The following PFKFB3 variants were observed in gnomAD, a reference collection of about 807,000 sequenced individuals.
PFKFB3 encodes the protein 6-phosphofructo-2-kinase/fructose-2,6-bisphosphatase 3.
In PFKFB3, 33 loss-of-function variants were observed where a neutral mutation model predicts 68.0. That is an observed-to-expected ratio of 0.49 (90% CI 0.37 to 0.65). The LOEUF (loss-of-function observed/expected upper bound fraction) is 0.65, where lower values mean the gene tolerates loss of function less well. PFKFB3 is among the 30% of genes least tolerant of loss of function. The pLI is 0.00. For synonymous variants in PFKFB3, 315 were observed against 288.2 expected (o/e 1.09, Z -0.94); for missense variants, 586 against 712.2 (o/e 0.82, Z 2.02).
At chr10:6,280,405 T>C in the PFKFB3 span, among the ~76,000 whole-genome samples, 2 of 152,228 alleles carry the variant, frequency 1.3e-5, no homozygotes, top group African/African-American at 4.8e-5. Context: ...CATCAGCCAG[T>C]GTTTGTGAAC....
intron 14 of PFKFB3, among the ~76,000 whole-genome samples, chr10:6,252,802 A>G (rs892715252): frequency 6.6e-6 from 1 of 152,226 alleles, no homozygotes; most frequent in African/African-American, 2.4e-5. Flanking sequence ...GCATAGAAAA[A>G]CACTAGAAGG....
rs557166161 is a variant in PFKFB3 at position 6,203,082 on chromosome 10, C to T, written c.-179C>T. 4.2e-6 allele frequency: 6 copies of T among 1,422,782 alleles called. No homozygotes were observed. The highest frequency in any genetic ancestry group is 5.5e-6 in the Non-Finnish European group (6 of 1,093,762). The allele number at this position is 1,422,782 out of a possible 1,614,324, so 88.1% of individuals were successfully genotyped here. On this transcript the variant is annotated 5_prime_UTR_variant, in exon 1 of 15. Transcript: ENST00000379775. The stretch of plus-strand genomic sequence containing the variant: ...CCCTCGCAGCACACGTCGAGCCCCG[C>T]ACAGGCGAGGGTCCGGAACTTAGCC...
At chr10:6,176,056 G>A (rs1336002929) in intron 1 of PFKFB3, among the ~76,000 whole-genome samples, 3 of 152,212 alleles carry the variant, frequency 2.0e-5, no homozygotes, top group Non-Finnish European at 4.4e-5. Context: ...GCCCCCAAAC[G>A]GAAAGAATGC....
At chr10:6,184,605 G>C (rs1378524784) in intron 1 of PFKFB3, among the ~76,000 whole-genome samples, 3 of 151,840 alleles carry the variant, frequency 2.0e-5, no homozygotes, top group Non-Finnish European at 4.4e-5. Flanking sequence ...TGAGGAACTG[G>C]GATTACAGGC....
At chr10:6,248,690 A>G (rs1013428043) in intron 14 of PFKFB3, among the ~76,000 whole-genome samples, 1 of 151,954 alleles carries the variant, frequency 6.6e-6, no homozygotes, top group Non-Finnish European at 1.5e-5. Flanking sequence ...AAAAGAAGAC[A>G]TGCAAATGGC....
the PFKFB3 span, among the ~76,000 whole-genome samples, chr10:6,295,462 T>G: frequency 6.6e-6 from 1 of 151,990 alleles, no homozygotes; most frequent in Non-Finnish European, 1.5e-5. Context: ...TGACCTCAGG[T>G]GATCCACCCC....
At chr10:6,226,543 G>A (rs1033114109) in intron 14 of PFKFB3, 178 bp downstream of exon 14, 20 of 592,522 alleles carry the variant, frequency 3.4e-5, no homozygotes, top group African/African-American at 2.5e-4. Flanking sequence ...ACACACTCAC[G>A]TGTTGAGGGA....
At chr10:6,268,753 G>A in the PFKFB3 span, among the ~76,000 whole-genome samples, 1 of 151,460 alleles carries the variant, frequency 6.6e-6, no homozygotes, top group Non-Finnish European at 1.5e-5. Context: ...TGGGTGATGT[G>A]GCTCATGCCT....
In PFKFB3 at chr10:6,221,367, C is replaced by T; in HGVS notation, c.832-14C>T. 1 of 1,613,406 alleles carries T rather than the reference C, an allele frequency of 6.2e-7. No homozygotes were observed. The highest frequency in any genetic ancestry group is 1.1e-5 in the South Asian group (1 of 91,022). ...GGCATCTGGAATCAGTGGTCCCCCT[C>T]CACCACCTCTCAGTTTGCCAGTGCT... On this transcript the variant is annotated splice_polypyrimidine_tract_variant and intron_variant, in intron 8 of 14. Coordinates refer to ENST00000379775, the MANE Select transcript of PFKFB3 (RefSeq NM_004566.4).
chr10:6,269,188 T>G, the PFKFB3 span, among the ~76,000 whole-genome samples: 2 of 151,956 alleles, frequency 1.3e-5, no homozygotes, highest in Non-Finnish European at 2.9e-5. Context: ...TTCAGTATAT[T>G]TTTACTTCCC....
At chr10:6,204,555 C>T (rs1843564543) in intron 1 of PFKFB3, among the ~76,000 whole-genome samples, 1 of 152,258 alleles carries the variant, frequency 6.6e-6, no homozygotes, top group Non-Finnish European at 1.5e-5. Flanking sequence ...GGGACGTCAG[C>T]AGATCCACCC....
At chr10:6,172,562 T>C (rs1283681467) in intron 1 of PFKFB3, among the ~76,000 whole-genome samples, 3 of 152,148 alleles carry the variant, frequency 2.0e-5, no homozygotes, top group Admixed American at 1.3e-4. Context: ...AAGTGACTTA[T>C]CCAAGACCAC....
intron 1 of PFKFB3, among the ~76,000 whole-genome samples, chr10:6,176,625 ATCC>A: frequency 6.6e-6 from 1 of 152,210 alleles, no homozygotes; most frequent in South Asian, 2.1e-4. Flanking sequence ...GGCTCAAGCA[ATCC>A]TCCTGCCTTG....
chr10:6,281,388 C>T, the PFKFB3 span, among the ~76,000 whole-genome samples: 31 of 151,894 alleles, frequency 2.0e-4, no homozygotes, highest in Admixed American at 1.1e-3. Flanking sequence ...CATACAGAAA[C>T]GGCTCCATCT....
the PFKFB3 span, among the ~76,000 whole-genome samples, chr10:6,274,198 T>G: frequency 0.17 from 26,167 of 150,322 alleles, 2,357 homozygotes; most frequent in East Asian, 0.24. Context: ...AGATCCTATC[T>G]CTAAAAAAAA....
downstream of PFKFB3, among the ~76,000 whole-genome samples, chr10:6,237,012 C>T (rs1846027133): frequency 6.6e-6 from 1 of 152,214 alleles, no homozygotes; most frequent in African/African-American, 2.4e-5. Context: ...ACTTCTCACT[C>T]CCTTAGCTCC....
intron 1 of PFKFB3, among the ~76,000 whole-genome samples, chr10:6,173,622 CAG>C (rs752152278): frequency 6.6e-5 from 10 of 151,840 alleles, no homozygotes; most frequent in Non-Finnish European, 1.3e-4. Flanking sequence ...TTAGTAGACA[CAG>C]AGGGAATAGA....
At chr10:6,324,020 A>G in the PFKFB3 span, among the ~76,000 whole-genome samples, 9 of 152,360 alleles carry the variant, frequency 5.9e-5, no homozygotes, top group East Asian at 1.7e-3. Flanking sequence ...CCACATTTAT[A>G]GATGTGTTAT....
the PFKFB3 span, among the ~76,000 whole-genome samples, chr10:6,297,609 T>A: frequency 6.6e-6 from 1 of 151,972 alleles, no homozygotes; most frequent in East Asian, 1.9e-4. Context: ...GAGCAAGATG[T>A]CCCCATGAGG....
Sources: gnomAD v4.1 joint callset for allele counts (sites outside exome capture counted in the v4.1 genomes callset) on GRCh38, gnomAD v4.1.1 for gene constraint, MANE v1.5 for transcripts, NCBI Gene and HGNC (gene_info 2026-07-23, HGNC 2026-07-21) for gene names.